PHF21B: variants seen among roughly 807,000 people sequenced by gnomAD.
The protein encoded by PHF21B is PHD finger protein 21B.
A neutral mutation model predicts 62.2 loss-of-function variants in PHF21B; 22 were observed. The ratio of observed to expected loss-of-function variants is 0.35; its 90% confidence interval spans 0.25 to 0.51. The LOEUF is 0.51. Among genes scored for constraint, PHF21B ranks in the 20% least tolerant of loss-of-function variants. The pLI is 0.97. For synonymous variants in PHF21B, 341 were observed against 314.7 expected (o/e 1.08, Z -0.88); for missense variants, 701 against 707.9 (o/e 0.99, Z 0.11).
At chr22:44,917,874 C>T (rs1429118673) in intron 3 of PHF21B, among the ~76,000 whole-genome samples, 1 of 152,216 alleles carries the variant, frequency 6.6e-6, no homozygotes, top group East Asian at 1.9e-4. Context: ...GTCAGCTCCT[C>T]ACCAGTGCCT....
At chr22:44,951,922 G>A (rs2147391661) in intron 2 of PHF21B, among the ~76,000 whole-genome samples, 1 of 152,302 alleles carries the variant, frequency 6.6e-6, no homozygotes, top group Admixed American at 6.5e-5. Flanking sequence ...TTTGGAAAGA[G>A]GTGGTGAACA....
intron 2 of PHF21B, among the ~76,000 whole-genome samples, chr22:44,972,181 C>T (rs2072651654): frequency 2.0e-5 from 3 of 152,342 alleles, no homozygotes; most frequent in African/African-American, 7.2e-5. Context: ...AATTCAAGTT[C>T]CTTTGTATTC....
At chr22:45,004,426 C>T (rs2073276715) in intron 2 of PHF21B, among the ~76,000 whole-genome samples, 1 of 152,136 alleles carries the variant, frequency 6.6e-6, no homozygotes, top group African/African-American at 2.4e-5. Context: ...CAGGTGGTAG[C>T]CAGGCTAACC....
intron 2 of PHF21B, among the ~76,000 whole-genome samples, chr22:44,928,731 C>T (rs2071682375): frequency 6.6e-6 from 1 of 152,212 alleles, no homozygotes; most frequent in Non-Finnish European, 1.5e-5. Context: ...TTTAAAGAAA[C>T]CAGGACAATT....
At chr22:44,910,322 TATA>T (rs2071323161) in intron 5 of PHF21B, among the ~76,000 whole-genome samples, 1 of 152,142 alleles carries the variant, frequency 6.6e-6, no homozygotes, top group Non-Finnish European at 1.5e-5. Context: ...GGCTTACACT[TATA>T]ATCCCAGCAC....
chr22:44,950,896 G>T (rs764125734), intron 2 of PHF21B, among the ~76,000 whole-genome samples: 2 of 147,738 alleles, frequency 1.4e-5, no homozygotes, highest in Non-Finnish European at 2.9e-5. Context: ...GTTAGCCGGT[G>T]GACTTACCCA....
At chr22:44,938,190 T>G (rs1358507027) in intron 2 of PHF21B, among the ~76,000 whole-genome samples, 1 of 152,196 alleles carries the variant, frequency 6.6e-6, no homozygotes, top group East Asian at 1.9e-4. Flanking sequence ...TTCTCATGCC[T>G]CAGTCTCCCG....
intron 2 of PHF21B, among the ~76,000 whole-genome samples, chr22:44,975,726 A>G (rs1420043016): frequency 2.6e-5 from 4 of 152,226 alleles, no homozygotes; most frequent in Non-Finnish European, 4.4e-5. Context: ...GGCTGCCCTG[A>G]GTGCTGTCCG....
intron 2 of PHF21B, among the ~76,000 whole-genome samples, chr22:44,966,425 T>C (rs2072526751): frequency 6.6e-6 from 1 of 152,140 alleles, no homozygotes; most frequent in Admixed American, 6.5e-5. Flanking sequence ...CACACAACCC[T>C]TGGGCAGGCC....
intron 2 of PHF21B, among the ~76,000 whole-genome samples, chr22:44,997,085 A>G (rs1391099994): frequency 6.6e-6 from 1 of 152,082 alleles, no homozygotes; most frequent in African/African-American, 2.4e-5. Context: ...ACTGCTCACG[A>G]GCCTGTTAAC....
rs1274793175 is a variant in PHF21B at position 45,008,756 on chromosome 22, C to T, written c.55-146G>A. On this transcript the variant is annotated intron_variant, in intron 1 of 12. Coordinates refer to ENST00000313237, the MANE Select transcript of PHF21B (RefSeq NM_138415.5). ...CAAGTTTCCCGGGCCGCGTCCTGCA[C>T]GCGCGGCGGCCGGGCAGTGCCGCGC... is the stretch of plus-strand genomic sequence containing the variant. 8.7e-6 allele frequency: 10 copies of T among 1,148,086 alleles called. No individual in the cohort carries two copies. In the South Asian group the frequency reaches 1.3e-4, roughly 15 times the overall value. The allele number at this position is 1,148,086 out of a possible 1,614,324, so 71.1% of individuals were successfully genotyped here.
chr22:44,918,694 T>A (rs1052292306), intron 3 of PHF21B, among the ~76,000 whole-genome samples: 1 of 152,204 alleles, frequency 6.6e-6, no homozygotes, highest in Non-Finnish European at 1.5e-5. Context: ...CTGACTGTCC[T>A]GGAGGCCAGC....
At chr22:44,921,840 G>A (rs948137584) in intron 2 of PHF21B, among the ~76,000 whole-genome samples, 6 of 152,024 alleles carry the variant, frequency 3.9e-5, no homozygotes, top group Non-Finnish European at 5.9e-5. Flanking sequence ...TGTATTTTTA[G>A]TAGAGATGGG....
intron 5 of PHF21B, chr22:44,901,779 T>C (rs2071164176): frequency 3.3e-6 from 1 of 306,544 alleles, no homozygotes; most frequent in East Asian, 6.6e-5. Flanking sequence ...AGAAAGGCCG[T>C]GTACAAGAGG....
At chr22:44,970,595 C>G (rs1169824246) in intron 2 of PHF21B, among the ~76,000 whole-genome samples, 1 of 152,182 alleles carries the variant, frequency 6.6e-6, no homozygotes, top group Non-Finnish European at 1.5e-5. Context: ...AATTCCTAGG[C>G]CAATTCTCGG....
intron 2 of PHF21B, among the ~76,000 whole-genome samples, chr22:44,977,294 G>A (rs892550826): frequency 6.6e-6 from 1 of 152,064 alleles, no homozygotes; most frequent in African/African-American, 2.4e-5. Context: ...AGGCACGGTG[G>A]TGGCTCACAC....
chr22:44,914,652 G>A (rs889078898), intron 4 of PHF21B, among the ~76,000 whole-genome samples: 6 of 152,252 alleles, frequency 3.9e-5, no homozygotes, highest in Non-Finnish European at 2.9e-5. Flanking sequence ...TGGGGGCACA[G>A]GTGGGAATAA....
chr22:44,980,130 G>C (rs1365115719), intron 2 of PHF21B, among the ~76,000 whole-genome samples: 1 of 148,986 alleles, frequency 6.7e-6, no homozygotes, highest in Non-Finnish European at 1.5e-5. Flanking sequence ...AAGCCTACGA[G>C]GCCACTGCAT....
chr22:44,885,969 G>A (rs767939633), intron 10 of PHF21B, 31 bp from the exon 11 acceptor site: 57 of 1,606,534 alleles, frequency 3.5e-5, no homozygotes, highest in Non-Finnish European at 4.3e-5. Flanking sequence ...TGAAAAAGTG[G>A]ACAGGCCCTG....
Sources: gnomAD v4.1 joint callset for allele counts (sites outside exome capture counted in the v4.1 genomes callset) on GRCh38, gnomAD v4.1.1 for gene constraint, MANE v1.5 for transcripts, NCBI Gene and HGNC (gene_info 2026-07-23, HGNC 2026-07-21) for gene names.